The following SMG6 variants were observed in gnomAD, a reference collection of about 807,000 sequenced individuals.
The protein encoded by SMG6 is telomerase-binding protein EST1A.
Under a neutral mutation model 142.2 loss-of-function variants are expected in SMG6, and 66 were observed. The ratio of observed to expected loss-of-function variants is 0.46; its 90% CI spans 0.38 to 0.57. The LOEUF (loss-of-function observed/expected upper bound fraction) is 0.57. Ranked by LOEUF, SMG6 falls within the 20% of genes least tolerant of loss-of-function variation. The pLI, the probability that SMG6 is intolerant of heterozygous loss-of-function variation, is 0.00. For missense variants in SMG6, 1,793 were observed against 1,832.0 expected (o/e 0.98, Z 0.39); for synonymous variants, 779 against 702.4 (o/e 1.11, Z -1.72).
chr17:2,067,856 A>G (rs2067994649), intron 16 of SMG6, among the ~76,000 whole-genome samples: 1 of 152,176 alleles, frequency 6.6e-6, no homozygotes, highest in Admixed American at 6.5e-5. Flanking sequence ...GGAAGGCCCA[A>G]TGGAACATCT....
intron 8 of SMG6, among the ~76,000 whole-genome samples, chr17:2,259,881 A>G (rs2074274837): frequency 6.6e-6 from 1 of 152,108 alleles, no homozygotes; most frequent in Admixed American, 6.5e-5. Flanking sequence ...TTTAAGATAG[A>G]TGTGGTCACA....
intron 13 of SMG6, among the ~76,000 whole-genome samples, chr17:2,149,272 C>T (rs1001604917): frequency 6.9e-6 from 1 of 145,784 alleles, no homozygotes; most frequent in Non-Finnish European, 1.5e-5. Flanking sequence ...ATCACTTGAA[C>T]CCAGGAGGCA....
chr17:2,074,509 C>G (rs1002373577), intron 15 of SMG6, among the ~76,000 whole-genome samples: 1 of 152,190 alleles, frequency 6.6e-6, no homozygotes, highest in African/African-American at 2.4e-5. Flanking sequence ...CTTAGAACTC[C>G]TTTTCTGGAT....
At chr17:2,095,092 CA>C (rs2068822044) in intron 13 of SMG6, 1 of 152,350 alleles carries the variant, frequency 6.6e-6, no homozygotes, top group East Asian at 1.9e-4. Flanking sequence ...ACAAGCCTTT[CA>C]GGTCTGGCTG....
At chr17:2,172,979 A>T in intron 12 of SMG6, 120 bp from the exon 13 acceptor site, 1 of 946,372 alleles carries the variant, frequency 1.1e-6, no homozygotes, top group South Asian at 1.6e-5. Context: ...GGCATCTGCC[A>T]GGAAATCATA....
chr17:2,173,104 G>C, intron 12 of SMG6: 1 of 514,464 alleles, frequency 1.9e-6, no homozygotes, highest in South Asian at 2.2e-5. Flanking sequence ...TCACCAGAGA[G>C]GAAAAAGAAT....
intron 13 of SMG6, among the ~76,000 whole-genome samples, chr17:2,086,289 G>C (rs926711910): frequency 1.3e-5 from 2 of 152,056 alleles, no homozygotes; most frequent in African/African-American, 2.4e-5. Flanking sequence ...GAGCTTTCTG[G>C]GGCCCCTCGC....
intron 9 of SMG6, among the ~76,000 whole-genome samples, chr17:2,240,890 C>T (rs1179091089): frequency 6.6e-6 from 1 of 152,192 alleles, no homozygotes; most frequent in Non-Finnish European, 1.5e-5. Context: ...TTCAACACCG[C>T]CCACATTTCA....
intron 1 of SMG6, 134 bp from the exon 2 acceptor site, chr17:2,300,798 C>T (rs2151419328): frequency 1.3e-6 from 1 of 763,820 alleles, no homozygotes; most frequent in Non-Finnish European, 2.0e-6. Flanking sequence ...AATGCTAATA[C>T]TGGTAGGCAA....
chr17:2,210,755 G>T (rs991659396), intron 10 of SMG6, among the ~76,000 whole-genome samples: 1 of 125,762 alleles, frequency 8.0e-6, no homozygotes, highest in Non-Finnish European at 1.7e-5. Flanking sequence ...AAAGGCAAAA[G>T]CTTTAAAAAA....
At chr17:2,213,572 A>C (rs1046420347) in intron 10 of SMG6, 1 of 151,980 alleles carries the variant, frequency 6.6e-6, no homozygotes, top group African/African-American at 2.4e-5. Context: ...AAATAAACAG[A>C]GAGACAAAAG....
Position 2,296,020 on chromosome 17 carries a change from C to T in SMG6, c.2151+1223G>A, listed in dbSNP as rs576434985. On this transcript the variant is annotated intron_variant, in intron 4 of 18. Transcript: ENST00000263073. ...TTAGTTCAGACCTACAACCTGACTCCTCTATCTCCACTCTTGCCCAGCTCC... is the reference window on the plus strand; with the variant it reads ...TTAGTTCAGACCTACAACCTGACTCTTCTATCTCCACTCTTGCCCAGCTCC... Among the ~76,000 whole-genome samples the T allele has an allele frequency of 2.0e-5, 3 of 152,242 alleles. No individual in the cohort carries two copies. The East Asian group carries it at 5.8e-4, about 29-fold the overall frequency.
intron 12 of SMG6, among the ~76,000 whole-genome samples, chr17:2,177,110 T>C (rs1178748942): frequency 6.6e-6 from 1 of 152,126 alleles, no homozygotes; most frequent in Non-Finnish European, 1.5e-5. Context: ...CTGAGGTGAG[T>C]TCTGCAAATA....
At chr17:2,231,755 G>T (rs931475019) in intron 10 of SMG6, among the ~76,000 whole-genome samples, 1 of 140,492 alleles carries the variant, frequency 7.1e-6, no homozygotes. Context: ...TGCCAGTCAG[G>T]CTCTACCTTA....
Position 2,237,527 on chromosome 17 carries a change from C to A in SMG6, c.2724-890G>T, listed in dbSNP as rs1368429944. On this transcript the variant is annotated intron_variant, in intron 9 of 18. Coordinates refer to ENST00000263073, the MANE Select transcript of SMG6 (RefSeq NM_017575.5). ...CCCCCAGTCATCTGTCTCAGTTCTT[C>A]GTGTGTTGCCGTCCTCCTCCCTCTC... is the stretch of plus-strand genomic sequence containing the variant. 3.0e-6 allele frequency: 3 copies of A among 985,370 alleles called. No individual in the cohort carries two copies. The East Asian group carries it at 3.4e-4, about 111-fold the overall frequency. 61.0% of individuals were successfully genotyped at this position (985,370 alleles called of 1,614,324 possible).
intron 8 of SMG6, chr17:2,280,501 G>C: frequency 1.2e-5 from 8 of 656,676 alleles, no homozygotes; most frequent in Non-Finnish European, 1.5e-5. Flanking sequence ...CTGACCTTGT[G>C]ATCTGCTCGC....
chr17:2,072,610 C>G (rs1047882916), intron 15 of SMG6, among the ~76,000 whole-genome samples: 1 of 152,092 alleles, frequency 6.6e-6, no homozygotes, highest in African/African-American at 2.4e-5. Flanking sequence ...TGATGCTTAC[C>G]GCTGCAAGCT....
In SMG6 at chr17:2,260,726, G is replaced by C. The variant is rs2074291442; in HGVS notation, c.2662-16007C>G. 2.0e-5 allele frequency among the ~76,000 whole-genome samples: 3 copies of C among 152,208 alleles called. No homozygotes were observed. In the South Asian group the frequency reaches 6.2e-4, roughly 32 times the overall value. On this transcript the variant is annotated intron_variant, in intron 8 of 18. Transcript: ENST00000263073. ...TAAAAGGGAAGAGGCCGGGCGCAGTGGCTCATGCCTGTAATCCCAGCACTT... is the reference window on the plus strand; with the variant it reads ...TAAAAGGGAAGAGGCCGGGCGCAGTCGCTCATGCCTGTAATCCCAGCACTT...
At chr17:2,282,908 C>T (rs572505590) in intron 7 of SMG6, 49 bp from the exon 8 acceptor site, 36 of 1,582,306 alleles carry the variant, frequency 2.3e-5, no homozygotes, top group Non-Finnish European at 2.9e-5. Context: ...TGGTGGCTCA[C>T]GCCTGTAATC....
Sources: gnomAD v4.1 joint callset for allele counts (sites outside exome capture counted in the v4.1 genomes callset) on GRCh38, gnomAD v4.1.1 for gene constraint, MANE v1.5 for transcripts, NCBI Gene and HGNC (gene_info 2026-07-23, HGNC 2026-07-21) for gene names.